Variants in TCF7L1 observed in about 807,000 individuals in gnomAD.
The protein encoded by TCF7L1 is transcription factor 7 like 1, also known as transcription factor 7-like 1.
TCF7L1 carries 18 observed loss-of-function variants against 63.7 expected under a neutral mutation model. The ratio of observed to expected loss-of-function variants is 0.28; its 90% confidence interval spans 0.20 to 0.42. The LOEUF (loss-of-function observed/expected upper bound fraction) is 0.42, where lower values mean the gene tolerates loss of function less well. Ranked by LOEUF, TCF7L1 falls within the 10% of genes least tolerant of loss-of-function variation. TCF7L1 has a pLI of 1.00. For synonymous variants in TCF7L1, 355 were observed against 340.9 expected, an observed-to-expected ratio of 1.04 and a Z score of -0.46; for missense variants, 654 against 779.3, an observed-to-expected ratio of 0.84 and a Z score of 1.91.
Position 85,234,495 on chromosome 2 carries a change from G to T in TCF7L1, c.442-49000G>T, listed in dbSNP as rs140913358. On this transcript the variant is annotated intron_variant, in intron 3 of 11. Transcript: ENST00000282111. ...TAGAAACTCTGCCTGGTAAGTTACA[G>T]ATGGTACTGCATCTTTTGAAGGAAT... Among the ~76,000 whole-genome samples, 565 of 152,234 alleles carry T rather than the reference G, an allele frequency of 3.7e-3. 1 individual carries two copies. Among genetic ancestry groups the T allele is most frequent in the Middle Eastern group, 0.024 (7 of 294 alleles).
chr2:85,277,444 CACTGGGACT>C (rs1284423477), intron 3 of TCF7L1, among the ~76,000 whole-genome samples: 1 of 152,080 alleles, frequency 6.6e-6, no homozygotes, highest in African/African-American at 2.4e-5. Context: ...TTCTGGGTGG[CACTGGGACT>C]TTACATCTCC....
At chr2:85,231,813 T>C (rs1680086933) in intron 3 of TCF7L1, among the ~76,000 whole-genome samples, 1 of 152,196 alleles carries the variant, frequency 6.6e-6, no homozygotes, top group South Asian at 2.1e-4. Flanking sequence ...TGGGTTTATC[T>C]CTTTTTTCTA....
chr2:85,180,756 G>T (rs1013392055), intron 3 of TCF7L1, among the ~76,000 whole-genome samples: 2 of 152,164 alleles, frequency 1.3e-5, no homozygotes, highest in Non-Finnish European at 2.9e-5. Flanking sequence ...TTATTCACTC[G>T]TGTCATCTGT....
chr2:85,157,673 C>T (rs1015291130), intron 3 of TCF7L1, among the ~76,000 whole-genome samples: 1 of 152,252 alleles, frequency 6.6e-6, no homozygotes, highest in Admixed American at 6.5e-5. Flanking sequence ...TTAATAATGC[C>T]TGAACCTTGT....
In TCF7L1 at chr2:85,193,917, T is replaced by C. The variant is rs1679092592; in HGVS notation, c.441+59467T>C. Among the ~76,000 whole-genome samples the C allele has an allele frequency of 1.3e-5, 2 of 152,128 alleles. 1 individual carries two copies. Among genetic ancestry groups the C allele is most frequent in the East Asian group, 3.9e-4 (2 of 5,192 alleles). On this transcript the variant is annotated intron_variant, in intron 3 of 11. Coordinates refer to ENST00000282111, the MANE Select transcript of TCF7L1 (RefSeq NM_031283.3). ...AGTGGTATGTGGAAGTTCATTTTAC[T>C]ATTCTTGCAACTTTTGTATAAGTCT...
In TCF7L1 at chr2:85,143,830, T is replaced by C. The variant is rs77093128; in HGVS notation, c.441+9380T>C. On this transcript the variant is annotated intron_variant, in intron 3 of 11. Coordinates refer to ENST00000282111, the MANE Select transcript of TCF7L1 (RefSeq NM_031283.3). ...TTGTTCCAACTTTACACATTGGACC[T>C]GAGAATGTACTTTCCTGAATAAACA... 1.6e-3 allele frequency among the ~76,000 whole-genome samples: 251 copies of C among 152,338 alleles called. 1 individual carries two copies. The highest frequency in any genetic ancestry group is 5.9e-3 in the African/African-American group (244 of 41,578).
intron 3 of TCF7L1, among the ~76,000 whole-genome samples, chr2:85,185,640 T>C: frequency 6.6e-6 from 1 of 152,046 alleles, no homozygotes; most frequent in Non-Finnish European, 1.5e-5. Flanking sequence ...GTGGGTTTTC[T>C]GGGGAGGCTG....
intron 4 of TCF7L1, among the ~76,000 whole-genome samples, chr2:85,301,093 A>AAAT (rs1404045953): frequency 2.0e-5 from 3 of 152,218 alleles, no homozygotes; most frequent in Non-Finnish European, 4.4e-5. Context: ...AATCTCTTTT[A>AAAT]AAAAGAAATC....
At chr2:85,160,180 C>T (rs984870507) in intron 3 of TCF7L1, among the ~76,000 whole-genome samples, 5 of 152,278 alleles carry the variant, frequency 3.3e-5, no homozygotes, top group East Asian at 1.9e-4. Flanking sequence ...TCTCCTGTGC[C>T]ACCCCTTTGT....
At chr2:85,180,470 C>T (rs1024859548) in intron 3 of TCF7L1, among the ~76,000 whole-genome samples, 2 of 152,080 alleles carry the variant, frequency 1.3e-5, no homozygotes, top group South Asian at 2.1e-4. Context: ...GGCTACACCC[C>T]GCACATTATC....
chr2:85,196,362 T>C (rs968119367), intron 3 of TCF7L1, among the ~76,000 whole-genome samples: 1 of 152,182 alleles, frequency 6.6e-6, no homozygotes, highest in African/African-American at 2.4e-5. Flanking sequence ...CCTGAGTAGC[T>C]AGGACTATAG....
intron 4 of TCF7L1, among the ~76,000 whole-genome samples, chr2:85,298,319 C>T (rs1304619110): frequency 5.3e-5 from 8 of 151,184 alleles, no homozygotes; most frequent in South Asian, 2.1e-4. Context: ...GGTGAAACCC[C>T]GTCTCTACTA....
rs762810351 is a variant in TCF7L1 at position 85,306,593 on chromosome 2, C to T, written c.1257+34C>T. On this transcript the variant is annotated intron_variant, in intron 10 of 11. Transcript: ENST00000282111. This position sits in a 1 kb window ranked among gnomAD's most constrained non-coding sequence, Gnocchi z 4.3. ...ACACTCTGGGCAGAGGACGCTCAGA[C>T]CCCAGGAACAGCCTCTGCAAGAGGA... is the stretch of plus-strand genomic sequence containing the variant. 1.9e-6 allele frequency: 3 copies of T among 1,558,302 alleles called. No homozygotes were observed. The highest frequency in any genetic ancestry group is 1.1e-5 in the South Asian group (1 of 89,680).
chr2:85,186,891 G>C (rs1443678221), intron 3 of TCF7L1: 2 of 152,228 alleles, frequency 1.3e-5, no homozygotes, highest in East Asian at 1.9e-4. Context: ...ATGAGGAAAG[G>C]TAAACAACAA....
chr2:85,265,923 C>T (rs1680962723), intron 3 of TCF7L1, among the ~76,000 whole-genome samples: 1 of 152,164 alleles, frequency 6.6e-6, no homozygotes, highest in Admixed American at 6.5e-5. Context: ...AGATTAAGTT[C>T]AACTCACCTC....
chr2:85,280,394 A>T (rs1228820052), intron 3 of TCF7L1, among the ~76,000 whole-genome samples: 1 of 152,154 alleles, frequency 6.6e-6, no homozygotes, highest in East Asian at 1.9e-4. Context: ...CTGCCAGACA[A>T]TCTATAAGGT....
intron 3 of TCF7L1, among the ~76,000 whole-genome samples, chr2:85,137,906 AAAAG>A (rs1228993185): frequency 1.4e-4 from 21 of 151,786 alleles, no homozygotes; most frequent in Non-Finnish European, 1.6e-4. Context: ...AAAAAAAAAA[AAAAG>A]AAAGAAAGAA....
intron 3 of TCF7L1, among the ~76,000 whole-genome samples, chr2:85,232,749 T>G (rs1316931782): frequency 6.6e-6 from 1 of 152,202 alleles, no homozygotes; most frequent in Non-Finnish European, 1.5e-5. Context: ...ATCCCGGTTG[T>G]CATTAGAATG....
At chr2:85,298,499 AAAAG>A (rs764211065) in intron 4 of TCF7L1, among the ~76,000 whole-genome samples, 9 of 150,596 alleles carry the variant, frequency 6.0e-5, no homozygotes, top group Admixed American at 1.3e-4. Context: ...AAAAAAAAAA[AAAAG>A]CATGTGAGAG....
Sources: gnomAD v4.1 joint callset for allele counts (sites outside exome capture counted in the v4.1 genomes callset) on GRCh38, gnomAD v4.1.1 for gene constraint, Gnocchi (gnomAD v3.1) non-coding constraint, MANE v1.5 for transcripts, NCBI Gene and HGNC (gene_info 2026-07-23, HGNC 2026-07-21) for gene names.